PRKCI: variants seen among roughly 807,000 people sequenced by gnomAD.
PRKCI encodes protein kinase C iota type.
A neutral mutation model predicts 84.0 loss-of-function variants in PRKCI; 43 were observed. The ratio of observed to expected loss-of-function variants is 0.51; its 90% confidence interval spans 0.40 to 0.66. PRKCI has a LOEUF of 0.66. PRKCI is among the 30% of genes least tolerant of loss of function. The probability of loss-of-function intolerance (pLI) is 0.00; values close to 1 mark genes in which losing one functional copy is unlikely to be tolerated. For synonymous variants in PRKCI, 216 were observed against 234.4 expected, an observed-to-expected ratio of 0.92 and a Z score of 0.72; for missense variants, 459 against 745.6, an observed-to-expected ratio of 0.62 and a Z score of 4.48.
intron 17 of PRKCI, among the ~76,000 whole-genome samples, chr3:170,300,381 C>T (rs538850030): frequency 3.3e-5 from 5 of 152,124 alleles, no homozygotes; most frequent in Admixed American, 6.5e-5. Context: ...AAGGGGTGTC[C>T]CTGCTATTTT....
chr3:170,293,321 C>A, intron 13 of PRKCI, 62 bp from the exon 14 acceptor site: 1 of 1,465,834 alleles, frequency 6.8e-7, no homozygotes. Context: ...ATAAAATTTC[C>A]AGTTACTAAC....
intron 17 of PRKCI, among the ~76,000 whole-genome samples, chr3:170,299,879 G>A (rs764500718): frequency 1.3e-5 from 2 of 152,144 alleles, no homozygotes; most frequent in Non-Finnish European, 2.9e-5. Flanking sequence ...AGAGAATTAG[G>A]TCAGAGGGTA....
At chr3:170,243,378 C>T (rs141013092) in intron 2 of PRKCI, among the ~76,000 whole-genome samples, 139 of 152,298 alleles carry the variant, frequency 9.1e-4, no homozygotes, top group Middle Eastern at 3.4e-3. Flanking sequence ...GAGTAGTATT[C>T]TATCCTGTGG....
At chr3:170,262,674 A>T (rs1481365870) in intron 3 of PRKCI, among the ~76,000 whole-genome samples, 2 of 151,848 alleles carry the variant, frequency 1.3e-5, no homozygotes, top group African/African-American at 4.8e-5. Context: ...GTAGAGACAG[A>T]GTTTTACCAT....
chr3:170,222,988 C>T (rs1338957567), intron 1 of PRKCI, among the ~76,000 whole-genome samples: 1 of 151,996 alleles, frequency 6.6e-6, no homozygotes, highest in Non-Finnish European at 1.5e-5. Context: ...GTGCGGGGAG[C>T]CGAGGGGCCA....
chr3:170,260,781 T>A (rs1481157048), intron 3 of PRKCI, among the ~76,000 whole-genome samples: 1 of 152,112 alleles, frequency 6.6e-6, no homozygotes, highest in Non-Finnish European at 1.5e-5. Flanking sequence ...GAGACATTAA[T>A]ATGTTTATAC....
chr3:170,298,096 C>T (rs1458223679), intron 16 of PRKCI, among the ~76,000 whole-genome samples: 1 of 151,450 alleles, frequency 6.6e-6, no homozygotes, highest in Non-Finnish European at 1.5e-5. Context: ...TGGTCTTGAA[C>T]TCTTGACCTC....
At chr3:170,287,713 C>T (rs1302251578) in intron 12 of PRKCI, among the ~76,000 whole-genome samples, 1 of 151,284 alleles carries the variant, frequency 6.6e-6, no homozygotes, top group Non-Finnish European at 1.5e-5. Context: ...AGTTTGAGAC[C>T]AGCCTGGCCA....
At chr3:170,269,546 C>T (rs1733949506) in intron 5 of PRKCI, among the ~76,000 whole-genome samples, 1 of 152,098 alleles carries the variant, frequency 6.6e-6, no homozygotes, top group African/African-American at 2.4e-5. Flanking sequence ...ACCTGTAGTC[C>T]TAGCTACTCA....
intron 2 of PRKCI, among the ~76,000 whole-genome samples, chr3:170,238,792 A>G (rs560041566): frequency 6.6e-6 from 1 of 152,112 alleles, no homozygotes; most frequent in Non-Finnish European, 1.5e-5. Flanking sequence ...GGGTTTCACC[A>G]TGTTGGCCAG....
intron 14 of PRKCI, among the ~76,000 whole-genome samples, chr3:170,294,868 A>G (rs1174106232): frequency 6.6e-6 from 1 of 152,098 alleles, no homozygotes; most frequent in East Asian, 1.9e-4. Context: ...TATATATGTA[A>G]TATCTTATTT....
chr3:170,268,496 A>T (rs968023292), intron 5 of PRKCI, among the ~76,000 whole-genome samples: 1 of 151,672 alleles, frequency 6.6e-6, no homozygotes, highest in Non-Finnish European at 1.5e-5. Context: ...AAAAAAAAAA[A>T]GCTCCAGATT....
intron 12 of PRKCI, among the ~76,000 whole-genome samples, chr3:170,288,171 G>A (rs1024021686): frequency 3.3e-5 from 5 of 151,758 alleles, no homozygotes; most frequent in Middle Eastern, 3.4e-3. Context: ...GCGAGAACCC[G>A]GGAGGCGGAG....
In PRKCI at chr3:170,222,504, C is replaced by T. The variant is rs1254913940; in HGVS notation, c.-166C>T. ...AGTGGGAGGAGCCGCGCGGTTCCGG[C>T]TGCTCCGGCGAGGCGACCCTTGGGT... is the stretch of plus-strand genomic sequence containing the variant. On this transcript the variant is annotated 5_prime_UTR_variant, in exon 1 of 18. Transcript: ENST00000295797. The T allele has an allele frequency of 1.1e-4, 62 of 555,548 alleles. No homozygotes were observed. Among genetic ancestry groups the T allele is most frequent in the South Asian group, 3.4e-5 (1 of 29,710 alleles). The allele number at this position is 555,548 out of a possible 1,614,324, so 34.4% of individuals were successfully genotyped here. A position where few individuals can be genotyped will look rare whatever the true frequency, so the allele number is the denominator to read the frequency against.
intron 1 of PRKCI, among the ~76,000 whole-genome samples, chr3:170,225,806 A>T (rs1732614448): frequency 6.6e-6 from 1 of 151,964 alleles, no homozygotes; most frequent in South Asian, 2.1e-4. Flanking sequence ...CTTTTCAAAG[A>T]TGTGTATAGT....
intron 2 of PRKCI, among the ~76,000 whole-genome samples, chr3:170,254,505 TTTCA>T (rs1458763895): frequency 6.6e-6 from 1 of 152,184 alleles, no homozygotes; most frequent in Non-Finnish European, 1.5e-5. Flanking sequence ...AGGGGTCTAG[TTTCA>T]TTCATTCTTC....
intron 8 of PRKCI, among the ~76,000 whole-genome samples, chr3:170,277,055 A>C (rs1020415138): frequency 2.0e-5 from 3 of 150,798 alleles, no homozygotes; most frequent in African/African-American, 7.3e-5. Flanking sequence ...AGCCTGGCTG[A>C]CATAGTGAAA....
chr3:170,285,767 C>CA (rs1452646341), intron 12 of PRKCI, among the ~76,000 whole-genome samples: 3 of 150,116 alleles, frequency 2.0e-5, no homozygotes, highest in Non-Finnish European at 4.4e-5. Flanking sequence ...TTTTTGGAGA[C>CA]AGAGTCTCGC....
At chr3:170,250,617 T>G (rs73034352) in intron 2 of PRKCI, among the ~76,000 whole-genome samples, 5,205 of 152,256 alleles carry the variant, frequency 0.034, 157 homozygotes, top group East Asian at 0.087. Flanking sequence ...TGGATAATAT[T>G]CCATTGTATG....
Sources: allele counts gnomAD v4.1 joint callset (sites outside exome capture counted in the v4.1 genomes callset), GRCh38; gene constraint gnomAD v4.1.1; transcripts MANE v1.5; gene names NCBI Gene and HGNC (gene_info 2026-07-23, HGNC 2026-07-21).